Variants in RERE observed in about 807,000 individuals in gnomAD.
The protein encoded by RERE is arginine-glutamic acid dipeptide repeats.
RERE carries 40 observed loss-of-function variants against 146.1 expected under a neutral mutation model. The observed-to-expected ratio is 0.27, with a 90% CI of 0.21 to 0.36. The LOEUF (loss-of-function observed/expected upper bound fraction) is 0.36, where lower values mean the gene tolerates loss of function less well. RERE is among the 10% of genes least tolerant of loss of function. RERE has a pLI of 1.00. For missense variants in RERE, 1,933 were observed against 2,138.7 expected (o/e 0.90, Z 1.90); for synonymous variants, 1,003 against 866.0 (o/e 1.16, Z -2.78).
chr1:8,437,156 C>G (rs1644181023), intron 11 of RERE, among the ~76,000 whole-genome samples: 1 of 152,166 alleles, frequency 6.6e-6, no homozygotes, highest in Non-Finnish European at 1.5e-5. Context: ...GCCCCACTTC[C>G]CAAACAAGGG....
At chr1:8,511,110 A>AC (rs1261796098) in intron 7 of RERE, among the ~76,000 whole-genome samples, 1 of 152,180 alleles carries the variant, frequency 6.6e-6, no homozygotes, top group Admixed American at 6.6e-5. Context: ...GCTTAAAAAA[A>AC]CCCAATGTAC....
chr1:8,634,364 C>CT (rs986730854), intron 2 of RERE, among the ~76,000 whole-genome samples: 3 of 152,186 alleles, frequency 2.0e-5, no homozygotes, highest in Non-Finnish European at 2.9e-5. Flanking sequence ...ATCCTTTCTA[C>CT]TTTTTTTATC....
At chr1:8,619,054 G>A (rs889883592) in intron 3 of RERE, among the ~76,000 whole-genome samples, 5 of 152,184 alleles carry the variant, frequency 3.3e-5, no homozygotes, top group African/African-American at 9.7e-5. Context: ...ATGAAACAAC[G>A]AGAGGGATAT....
intron 12 of RERE, among the ~76,000 whole-genome samples, chr1:8,393,248 C>A (rs547672356): frequency 6.6e-6 from 1 of 152,286 alleles, no homozygotes; most frequent in Non-Finnish European, 1.5e-5. Flanking sequence ...ATCAGTTCAC[C>A]AACTGCTCTA....
At chr1:8,798,084 C>T (rs1341264283) in intron 1 of RERE, among the ~76,000 whole-genome samples, 1 of 152,096 alleles carries the variant, frequency 6.6e-6, no homozygotes, top group Non-Finnish European at 1.5e-5. Flanking sequence ...CATAGCAAGA[C>T]CCCATTTCTA....
rs1645796278 is a variant in RERE, at chr1:8,541,196, C to T, written c.830+18G>A. The T allele has an allele frequency of 1.5e-6, 2 of 1,331,776 alleles. No individual in the cohort carries two copies. The highest frequency in any genetic ancestry group is 1.8e-5 in the Admixed American group (1 of 56,076). 82.5% of individuals were successfully genotyped at this position (1,331,776 alleles called of 1,614,324 possible). On this transcript the variant is annotated intron_variant, in intron 7 of 22. Transcript: ENST00000400908. The stretch of plus-strand genomic sequence containing the variant: ...AGGAAAAGAGTTCTCAATGAATGGA[C>T]ACAAGTGACTCACTTACCTTGTCTC...
chr1:8,552,034 G>C (rs1233610803), intron 6 of RERE, among the ~76,000 whole-genome samples: 1 of 152,210 alleles, frequency 6.6e-6, no homozygotes, highest in African/African-American at 2.4e-5. Context: ...ATAAGGGATA[G>C]CTAAGGTCAA....
chr1:8,560,487 T>C (rs973511910), intron 4 of RERE, among the ~76,000 whole-genome samples: 4 of 152,186 alleles, frequency 2.6e-5, no homozygotes, highest in Non-Finnish European at 5.9e-5. Flanking sequence ...GAAGATGGCC[T>C]ACTGGAAAGA....
At chr1:8,421,722 T>C (rs766606454) in intron 12 of RERE, among the ~76,000 whole-genome samples, 8 of 152,070 alleles carry the variant, frequency 5.3e-5, no homozygotes, top group Non-Finnish European at 1.0e-4. Context: ...AATTAAAAAA[T>C]TAAGCCAAAA....
At chr1:8,545,039 A>T (rs901156598) in intron 6 of RERE, among the ~76,000 whole-genome samples, 1 of 152,232 alleles carries the variant, frequency 6.6e-6, no homozygotes, top group Non-Finnish European at 1.5e-5. Flanking sequence ...GTTTTTTATC[A>T]GAGCACTCTT....
intron 1 of RERE, among the ~76,000 whole-genome samples, chr1:8,750,067 G>A (rs980862689): frequency 5.4e-5 from 8 of 147,720 alleles, no homozygotes; most frequent in African/African-American, 1.3e-4. Context: ...CATGAGAATC[G>A]CTTGAATGCA....
chr1:8,776,573 A>G (rs1641067533), intron 1 of RERE, among the ~76,000 whole-genome samples: 1 of 152,186 alleles, frequency 6.6e-6, no homozygotes, highest in Non-Finnish European at 1.5e-5. Flanking sequence ...GCAGGACTAC[A>G]GGTATGAGCC....
chr1:8,742,328 C>T (rs1640325245), intron 1 of RERE, among the ~76,000 whole-genome samples: 1 of 152,208 alleles, frequency 6.6e-6, no homozygotes, highest in Non-Finnish European at 1.5e-5. Flanking sequence ...AAGGGAATAT[C>T]TCTCTGGCTA....
At chr1:8,441,007 C>CG (rs1385430687) in intron 11 of RERE, among the ~76,000 whole-genome samples, 34 of 55,874 alleles carry the variant, frequency 6.1e-4, no homozygotes, top group African/African-American at 2.5e-3. Context: ...TTTTGTTTTT[C>CG]GGGGGGGTGG....
chr1:8,587,524 A>T (rs1646440638), intron 4 of RERE, among the ~76,000 whole-genome samples: 1 of 152,226 alleles, frequency 6.6e-6, no homozygotes, highest in African/African-American at 2.4e-5. Context: ...CTCTAACAGC[A>T]TTCTGGGTCA....
chr1:8,457,476 A>C (rs1247347090), intron 11 of RERE, among the ~76,000 whole-genome samples: 2 of 152,366 alleles, frequency 1.3e-5, no homozygotes, highest in African/African-American at 4.8e-5. Flanking sequence ...TGTTAGGAAA[A>C]GAATAACAAA....
intron 1 of RERE, among the ~76,000 whole-genome samples, chr1:8,674,175 A>G (rs1638782806): frequency 6.6e-6 from 1 of 152,198 alleles, no homozygotes. Context: ...TCATTAAATA[A>G]TATGTGCAAA....
intron 1 of RERE, among the ~76,000 whole-genome samples, chr1:8,722,525 A>T (rs1639883200): frequency 6.6e-6 from 1 of 152,238 alleles, no homozygotes; most frequent in Non-Finnish European, 1.5e-5. Context: ...TCTGTTCAAT[A>T]AAGCCACAGA....
At chr1:8,387,555 A>G (rs1036775027) in intron 12 of RERE, among the ~76,000 whole-genome samples, 8 of 152,240 alleles carry the variant, frequency 5.3e-5, no homozygotes, top group Admixed American at 1.3e-4. Context: ...GGTATTTGCA[A>G]CACACATTAT....
Sources: allele counts gnomAD v4.1 joint callset (sites outside exome capture counted in the v4.1 genomes callset), GRCh38; gene constraint gnomAD v4.1.1; transcripts MANE v1.5; gene names NCBI Gene and HGNC (gene_info 2026-07-23, HGNC 2026-07-21).